PLCXD3: variants seen among roughly 807,000 people sequenced by gnomAD.
PLCXD3 encodes phosphatidylinositol specific phospholipase C X domain containing 3.
PLCXD3 carries 19 observed loss-of-function variants against 25.5 expected under a neutral mutation model. That is an observed-to-expected ratio of 0.75 (90% confidence interval 0.52 to 1.09). The LOEUF (loss-of-function observed/expected upper bound fraction) is 1.09. PLCXD3 is among the 50% of genes least tolerant of loss of function. The probability of loss-of-function intolerance (pLI) is 0.00; values close to 1 mark genes in which losing one functional copy is unlikely to be tolerated. For synonymous variants in PLCXD3, 174 were observed against 137.6 expected (o/e 1.26, Z -1.85); for missense variants, 411 against 388.1 (o/e 1.06, Z -0.50).
At chr5:41,405,420 G>A (rs1048846925) in intron 1 of PLCXD3, among the ~76,000 whole-genome samples, 31 of 152,028 alleles carry the variant, frequency 2.0e-4, no homozygotes, top group Admixed American at 5.2e-4. Context: ...CATTCATATC[G>A]TCTACCCCTC....
chr5:41,382,841 C>T (rs1050247037), intron 1 of PLCXD3, among the ~76,000 whole-genome samples: 1 of 152,044 alleles, frequency 6.6e-6, no homozygotes, highest in African/African-American at 2.4e-5. Context: ...ATTGGCTTTC[C>T]TTATGGGTGA....
chr5:41,313,503 GC>G lies in PLCXD3; in HGVS notation c.*113del, dbSNP rs1743200221. ...TTTCCCCTTTTCCCACCCACTACCAGCCCTATTCCCTTCAGAGACTCAGTGG... is the reference window on the plus strand; with the variant it reads ...TTTCCCCTTTTCCCACCCACTACCAGCCTATTCCCTTCAGAGACTCAGTGG... On this transcript the variant is annotated 3_prime_UTR_variant, in exon 3 of 3. Coordinates refer to ENST00000377801, the MANE Select transcript of PLCXD3 (RefSeq NM_001005473.3). The G allele has an allele frequency of 1.2e-5, 15 of 1,268,658 alleles. No homozygotes were observed. Among genetic ancestry groups the G allele is most frequent in the Non-Finnish European group, 1.7e-5 (15 of 885,752 alleles). The allele number at this position is 1,268,658 out of a possible 1,614,324, so 78.6% of individuals were successfully genotyped here. A position where few individuals can be genotyped will look rare whatever the true frequency, so the allele number is the denominator to read the frequency against.
At chr5:41,481,124 AAAAG>A (rs1371702786) in intron 1 of PLCXD3, among the ~76,000 whole-genome samples, 2 of 150,934 alleles carry the variant, frequency 1.3e-5, no homozygotes, top group East Asian at 1.9e-4. Context: ...AAAAAAAAAA[AAAAG>A]AAAGGAAGGG....
chr5:41,411,821 C>T, intron 1 of PLCXD3, among the ~76,000 whole-genome samples: 1 of 144,294 alleles, frequency 6.9e-6, no homozygotes, highest in East Asian at 2.0e-4. Flanking sequence ...TATATATGTC[C>T]ATATTGATAT....
chr5:41,424,805 G>T (rs1304271092), intron 1 of PLCXD3, among the ~76,000 whole-genome samples: 1 of 152,092 alleles, frequency 6.6e-6, no homozygotes, highest in Non-Finnish European at 1.5e-5. Flanking sequence ...ATTTAAATAT[G>T]CTTCAAGTGT....
chr5:41,307,851 T>G lies in PLCXD3; in HGVS notation c.*5766A>C, dbSNP rs1743037659. The G allele has an allele frequency of 1.3e-5, 2 of 152,130 alleles. No individual in the cohort carries two copies. The highest frequency in any genetic ancestry group is 4.1e-4 in the South Asian group (2 of 4,830). 9.4% of individuals were successfully genotyped at this position (152,130 alleles called of 1,614,324 possible). A position where few individuals can be genotyped will look rare whatever the true frequency, so the allele number is the denominator to read the frequency against. ...TTTAAAAGAGGTCCTGGTACTGAGTTAGGCGGTGTTGCCACTTTTCAGGAG... is the reference window on the plus strand; with the variant it reads ...TTTAAAAGAGGTCCTGGTACTGAGTGAGGCGGTGTTGCCACTTTTCAGGAG... On this transcript the variant is annotated 3_prime_UTR_variant, in exon 3 of 3. Transcript: ENST00000377801.
intron 1 of PLCXD3, among the ~76,000 whole-genome samples, chr5:41,482,794 T>C (rs1580395400): frequency 6.6e-6 from 1 of 152,236 alleles, no homozygotes; most frequent in South Asian, 2.1e-4. Flanking sequence ...GTTTAAAAAA[T>C]ACCTCACATT....
At chr5:41,336,028 C>T (rs1046474524) in intron 2 of PLCXD3, among the ~76,000 whole-genome samples, 4 of 152,114 alleles carry the variant, frequency 2.6e-5, no homozygotes, top group Admixed American at 2.6e-4. Context: ...TATTTATCGA[C>T]TTTTAATGGA....
At chr5:41,434,451 G>C (rs1747188586) in intron 1 of PLCXD3, among the ~76,000 whole-genome samples, 1 of 152,158 alleles carries the variant, frequency 6.6e-6, no homozygotes, top group Admixed American at 6.5e-5. Flanking sequence ...GACCTAGCTA[G>C]GGAGGTTCAT....
chr5:41,409,283 GC>G lies in PLCXD3; in HGVS notation c.104-26750del, dbSNP rs565417668. On this transcript the variant is annotated intron_variant, in intron 1 of 2. Coordinates refer to ENST00000377801, the MANE Select transcript of PLCXD3 (RefSeq NM_001005473.3). ...CCTTGAGCAGCCTTAAGCCCAGGGT[GC>G]TAAGGTCACAAAATGGATCACTCTC... Among the ~76,000 whole-genome samples the G allele has an allele frequency of 3.7e-4, 56 of 152,270 alleles. No individual in the cohort carries two copies. The East Asian group carries it at 7.2e-3, about 19-fold the overall frequency.
chr5:41,380,177 G>T (rs972326039), intron 2 of PLCXD3, among the ~76,000 whole-genome samples: 2 of 151,814 alleles, frequency 1.3e-5, no homozygotes, highest in African/African-American at 4.8e-5. Context: ...GACCCTGATG[G>T]TACCTTCCCC....
chr5:41,316,664 C>T (rs111776794), intron 2 of PLCXD3, among the ~76,000 whole-genome samples: 273 of 152,150 alleles, frequency 1.8e-3, no homozygotes, highest in African/African-American at 6.3e-3. Flanking sequence ...GCAGCATCCA[C>T]CAGAAGCAGA....
chr5:41,454,776 C>A (rs1747714489), intron 1 of PLCXD3, among the ~76,000 whole-genome samples: 1 of 152,040 alleles, frequency 6.6e-6, no homozygotes, highest in African/African-American at 2.4e-5. Flanking sequence ...CATATTCTCT[C>A]TCCAAGTTTA....
At chr5:41,509,781 G>C (rs1227439705) in intron 1 of PLCXD3, among the ~76,000 whole-genome samples, 1 of 152,168 alleles carries the variant, frequency 6.6e-6, no homozygotes, top group Non-Finnish European at 1.5e-5. Flanking sequence ...GCGGCCACTC[G>C]GCCAGGTCCC....
At chr5:41,440,637 G>A (rs1001931033) in intron 1 of PLCXD3, among the ~76,000 whole-genome samples, 1 of 152,244 alleles carries the variant, frequency 6.6e-6, no homozygotes, top group Non-Finnish European at 1.5e-5. Context: ...ATGTATATAT[G>A]TACATAGAGG....
intron 1 of PLCXD3, among the ~76,000 whole-genome samples, chr5:41,390,251 A>G (rs1561256383): frequency 6.6e-6 from 1 of 152,134 alleles, no homozygotes; most frequent in Non-Finnish European, 1.5e-5. Context: ...ATCACAATTA[A>G]TTTAACCATT....
intron 2 of PLCXD3, among the ~76,000 whole-genome samples, chr5:41,351,907 T>C (rs766389725): frequency 1.4e-4 from 21 of 152,228 alleles, no homozygotes; most frequent in Admixed American, 5.2e-4. Context: ...TTTTGAAATA[T>C]GTGGGAAATA....
In PLCXD3 at chr5:41,313,523, T is replaced by A; in HGVS notation, c.*94A>T. ...TACCAGCCCTATTCCCTTCAGAGAC[T>A]CAGTGGAATAGGAAGATCAGAGTGT... On this transcript the variant is annotated 3_prime_UTR_variant, in exon 3 of 3. Transcript: ENST00000377801. 6.7e-7 allele frequency: 1 copy of A among 1,483,444 alleles called. No individual in the cohort carries two copies. Among genetic ancestry groups the A allele is most frequent in the Non-Finnish European group, 9.3e-7 (1 of 1,070,816 alleles). The allele number at this position is 1,483,444 out of a possible 1,614,324, so 91.9% of individuals were successfully genotyped here. A position where few individuals can be genotyped will look rare whatever the true frequency, so the allele number is the denominator to read the frequency against.
At chr5:41,317,856 G>C (rs746425216) in intron 2 of PLCXD3, among the ~76,000 whole-genome samples, 4 of 152,008 alleles carry the variant, frequency 2.6e-5, no homozygotes, top group Non-Finnish European at 5.9e-5. Context: ...AATGAAGCAT[G>C]CCTACAGGAT....
Sources: gnomAD v4.1 joint callset for allele counts (sites outside exome capture counted in the v4.1 genomes callset) on GRCh38, gnomAD v4.1.1 for gene constraint, MANE v1.5 for transcripts, NCBI Gene and HGNC (gene_info 2026-07-23, HGNC 2026-07-21) for gene names.